CD247: variants seen among roughly 807,000 people sequenced by gnomAD.
CD247 encodes the protein CD247 molecule.
CD247 carries 13 observed loss-of-function variants against 30.0 expected under a neutral mutation model. The observed-to-expected ratio is 0.43, with a 90% CI of 0.28 to 0.69. The LOEUF is 0.69. Ranked by LOEUF, CD247 falls within the 30% of genes least tolerant of loss-of-function variation. The pLI is 0.16. For synonymous variants in CD247, 72 were observed against 80.0 expected (o/e 0.90, Z 0.53); for missense variants, 193 against 212.6 (o/e 0.91, Z 0.57).
At chr1:167,444,358 C>T (rs1162327630) in intron 1 of CD247, among the ~76,000 whole-genome samples, 1 of 152,210 alleles carries the variant, frequency 6.6e-6, no homozygotes, top group African/African-American at 2.4e-5. Context: ...TGTGCGCGCT[C>T]CTGTGGCTTC....
At chr1:167,515,494 C>A (rs1571608687) in intron 1 of CD247, among the ~76,000 whole-genome samples, 1 of 152,342 alleles carries the variant, frequency 6.6e-6, no homozygotes, top group African/African-American at 2.4e-5. Flanking sequence ...CCCCCTGCCC[C>A]CTATTTGTGG....
intron 4 of CD247, among the ~76,000 whole-genome samples, chr1:167,436,076 T>C (rs944314254): frequency 5.9e-5 from 9 of 152,168 alleles, no homozygotes; most frequent in South Asian, 2.1e-4. Context: ...AAAAGGACCC[T>C]AACAAGTCAA....
intron 1 of CD247, 78 bp from the exon 2 acceptor site, chr1:167,440,845 G>A: frequency 2.4e-6 from 2 of 835,962 alleles, no homozygotes; most frequent in South Asian, 2.8e-5. Context: ...GTGGCACTAG[G>A]ACTGACTGAC....
chr1:167,463,545 G>C (rs551829348), intron 1 of CD247, among the ~76,000 whole-genome samples: 5 of 152,290 alleles, frequency 3.3e-5, no homozygotes, highest in African/African-American at 1.2e-4. Flanking sequence ...GGGATATTTA[G>C]AATCTAGGTT....
At chr1:167,452,250 C>A (rs1476141649) in intron 1 of CD247, among the ~76,000 whole-genome samples, 1 of 151,292 alleles carries the variant, frequency 6.6e-6, no homozygotes, top group Non-Finnish European at 1.5e-5. Context: ...AAAACAAAAA[C>A]CATCTCTAAT....
chr1:167,488,339 T>C (rs910093725), intron 1 of CD247, among the ~76,000 whole-genome samples: 4 of 152,188 alleles, frequency 2.6e-5, no homozygotes, highest in Non-Finnish European at 5.9e-5. Flanking sequence ...TCATGATAGG[T>C]AGAAGGATGA....
At chr1:167,462,358 G>A (rs903042379) in intron 1 of CD247, among the ~76,000 whole-genome samples, 4 of 152,226 alleles carry the variant, frequency 2.6e-5, no homozygotes, top group Admixed American at 6.5e-5. Context: ...TGAGTCCAGC[G>A]ATGAAGCCAG....
rs560870540 is a variant in CD247, at chr1:167,497,614, T to C, written c.58+20794A>G. On this transcript the variant is annotated intron_variant, in intron 1 of 7. Transcript: ENST00000362089. ...GTTGGTATTTGATTTGGAAACAGTA[T>C]GAGTTAAAATAAGATATAGGATGAG... Among the ~76,000 whole-genome samples the C allele has an allele frequency of 1.3e-5, 2 of 152,240 alleles. 1 individual carries two copies. The highest frequency in any genetic ancestry group is 4.1e-4 in the South Asian group (2 of 4,824).
intron 1 of CD247, among the ~76,000 whole-genome samples, chr1:167,501,735 C>T (rs1654916285): frequency 1.3e-5 from 2 of 152,210 alleles, no homozygotes; most frequent in Admixed American, 1.3e-4. Flanking sequence ...TTTGTTCTTC[C>T]CTCACCAGCC....
At chr1:167,455,339 G>C (rs1652592125) in intron 1 of CD247, among the ~76,000 whole-genome samples, 1 of 152,230 alleles carries the variant, frequency 6.6e-6, no homozygotes, top group African/African-American at 2.4e-5. Flanking sequence ...TGCACTGCGG[G>C]CTGGGCAGCT....
chr1:167,439,110 G>A (rs1055916641), intron 3 of CD247, among the ~76,000 whole-genome samples: 4 of 152,142 alleles, frequency 2.6e-5, no homozygotes, highest in Admixed American at 6.5e-5. Flanking sequence ...GACTAAGCTC[G>A]TTCCATGCAT....
chr1:167,471,564 C>T (rs750039857), intron 1 of CD247, among the ~76,000 whole-genome samples: 7 of 152,048 alleles, frequency 4.6e-5, no homozygotes, highest in Non-Finnish European at 1.0e-4. Context: ...TGTGTATTTC[C>T]TATTTTATGA....
intron 1 of CD247, among the ~76,000 whole-genome samples, chr1:167,444,108 A>G (rs2102000747): frequency 6.6e-6 from 1 of 152,270 alleles, no homozygotes; most frequent in African/African-American, 2.4e-5. Flanking sequence ...GGCCTCAGTT[A>G]CCTCATCTAT....
chr1:167,433,141 A>C lies in CD247; in HGVS notation c.394-82T>G, dbSNP rs1317395631. 31 of 1,420,630 alleles carry C rather than the reference A, an allele frequency of 2.2e-5. No homozygotes were observed. In the Middle Eastern group the frequency reaches 1.0e-3, roughly 48 times the overall value. The allele number at this position is 1,420,630 out of a possible 1,614,324, so 88.0% of individuals were successfully genotyped here. A position where few individuals can be genotyped will look rare whatever the true frequency, so the allele number is the denominator to read the frequency against. On this transcript the variant is annotated intron_variant, in intron 6 of 7. Coordinates refer to ENST00000362089, the MANE Select transcript of CD247 (RefSeq NM_198053.3). The stretch of plus-strand genomic sequence containing the variant: ...GCATTTCTGCTCAAGGGCCCCTCCC[A>C]AGGTACCCAGGAAGTCAGAGGTAAC...
At chr1:167,514,103 C>T (rs531832406) in intron 1 of CD247, among the ~76,000 whole-genome samples, 8 of 152,142 alleles carry the variant, frequency 5.3e-5, no homozygotes, top group Non-Finnish European at 1.2e-4. Context: ...CATTCACTCA[C>T]CTTTTAATTC....
intron 1 of CD247, among the ~76,000 whole-genome samples, chr1:167,482,429 G>A (rs1654010368): frequency 6.6e-6 from 1 of 152,224 alleles, no homozygotes; most frequent in Admixed American, 6.5e-5. Context: ...ATCTGCCCTG[G>A]CCTCTGTGGG....
chr1:167,495,303 G>A, intron 1 of CD247, among the ~76,000 whole-genome samples: 1 of 152,180 alleles, frequency 6.6e-6, no homozygotes, highest in East Asian at 1.9e-4. Flanking sequence ...TTTGCTGAGA[G>A]GAATAAATGC....
At chr1:167,460,510 A>G (rs577832225) in intron 1 of CD247, among the ~76,000 whole-genome samples, 3 of 152,340 alleles carry the variant, frequency 2.0e-5, no homozygotes, top group Admixed American at 2.0e-4. Context: ...CCTGTGTGCC[A>G]AAATGTGCAG....
intron 1 of CD247, among the ~76,000 whole-genome samples, chr1:167,468,071 G>A (rs373950438): frequency 6.6e-5 from 10 of 151,914 alleles, no homozygotes; most frequent in African/African-American, 2.2e-4. Flanking sequence ...AAGATACTAC[G>A]CTCACACCGA....
Sources: allele counts gnomAD v4.1 joint callset (sites outside exome capture counted in the v4.1 genomes callset), GRCh38; gene constraint gnomAD v4.1.1; transcripts MANE v1.5; gene names NCBI Gene and HGNC (gene_info 2026-07-23, HGNC 2026-07-21).